The following GULP1 variants were observed in gnomAD, a reference collection of about 807,000 sequenced individuals.
GULP1 encodes PTB domain-containing engulfment adapter protein 1.
Under a neutral mutation model 40.9 loss-of-function variants are expected in GULP1, and 19 were observed. That is an observed-to-expected ratio of 0.46 (90% CI 0.32 to 0.68). GULP1 has a LOEUF of 0.68. Ranked by LOEUF, GULP1 falls within the 30% of genes least tolerant of loss-of-function variation. GULP1 has a pLI of 0.03. For missense variants in GULP1, 312 were observed against 362.2 expected (o/e 0.86, Z 1.12); for synonymous variants, 119 against 117.6 (o/e 1.01, Z -0.08).
At chr2:188,488,418 T>TG (rs1330441790) in intron 4 of GULP1, among the ~76,000 whole-genome samples, 2 of 152,056 alleles carry the variant, frequency 1.3e-5, no homozygotes, top group East Asian at 3.9e-4. Flanking sequence ...GAGATTTAAG[T>TG]GAGTTAATAT....
At chr2:188,355,893 A>G (rs539775435) in intron 1 of GULP1, among the ~76,000 whole-genome samples, 1 of 152,260 alleles carries the variant, frequency 6.6e-6, no homozygotes, top group South Asian at 2.1e-4. Flanking sequence ...AATCAAATCA[A>G]TATCCATGAT....
intron 9 of GULP1, among the ~76,000 whole-genome samples, chr2:188,579,496 A>G (rs1393484256): frequency 6.6e-6 from 1 of 152,100 alleles, no homozygotes; most frequent in African/African-American, 2.4e-5. Context: ...GGTAATTGCA[A>G]TATCCATCAC....
intron 2 of GULP1, chr2:188,466,704 G>A (rs1465046216): frequency 1.3e-5 from 2 of 151,854 alleles, no homozygotes; most frequent in Non-Finnish European, 2.9e-5. Context: ...TGTGTGAGCT[G>A]GTTACTTTAT....
At chr2:188,350,593 A>G (rs1248300687) in intron 1 of GULP1, among the ~76,000 whole-genome samples, 1 of 151,896 alleles carries the variant, frequency 6.6e-6, no homozygotes, top group East Asian at 1.9e-4. Flanking sequence ...TGGAATTTCT[A>G]TATATGGGAT....
chr2:188,521,514 A>G (rs373112044), intron 4 of GULP1, among the ~76,000 whole-genome samples: 1 of 152,184 alleles, frequency 6.6e-6, no homozygotes, highest in East Asian at 1.9e-4. Context: ...AAATCATGGC[A>G]GAAGATGAAG....
At chr2:188,309,010 C>T (rs114836278) in intron 1 of GULP1, among the ~76,000 whole-genome samples, 2,168 of 152,248 alleles carry the variant, frequency 0.014, 53 homozygotes, top group African/African-American at 0.048. Context: ...TCTTGTTCTT[C>T]ATCTGTCAGA....
chr2:188,415,482 C>T (rs1382276915), intron 2 of GULP1, among the ~76,000 whole-genome samples: 1 of 151,480 alleles, frequency 6.6e-6, no homozygotes, highest in African/African-American at 2.4e-5. Context: ...GGAGAGTGTG[C>T]CACTTACTCT....
chr2:188,357,316 G>C (rs371922454), intron 1 of GULP1, among the ~76,000 whole-genome samples: 24 of 151,904 alleles, frequency 1.6e-4, no homozygotes, highest in Non-Finnish European at 2.8e-4. Context: ...ATCCAATAAG[G>C]GTTTAATATC....
intron 1 of GULP1, among the ~76,000 whole-genome samples, chr2:188,323,383 G>A (rs995232831): frequency 6.6e-6 from 1 of 151,930 alleles, no homozygotes; most frequent in South Asian, 2.1e-4. Flanking sequence ...CTGAACATAG[G>A]CTGTGCTGTG....
At chr2:188,499,810 T>G (rs990796668) in intron 4 of GULP1, among the ~76,000 whole-genome samples, 1 of 151,892 alleles carries the variant, frequency 6.6e-6, no homozygotes, top group African/African-American at 2.4e-5. Context: ...ACAGGTAGTA[T>G]TTTTATTATT....
rs1207646401 is a variant in GULP1 at position 188,448,424 on chromosome 2, A to G, written c.-44-29235A>G. Among the ~76,000 whole-genome samples, 3 of 152,224 alleles carry G rather than the reference A, an allele frequency of 2.0e-5. No individual in the cohort carries two copies. The East Asian group carries it at 5.8e-4, about 29-fold the overall frequency. On this transcript the variant is annotated intron_variant, in intron 2 of 11. Coordinates refer to ENST00000409830, the MANE Select transcript of GULP1 (RefSeq NM_016315.4). Reference sequence around the variant, plus strand: ...AATAGTAAAATAAATATTTTACTTAACAAAATTATCTTCCTTTGGAAAACA... The same window carrying G: ...AATAGTAAAATAAATATTTTACTTAGCAAAATTATCTTCCTTTGGAAAACA...
At chr2:188,410,565 A>G (rs565381217) in intron 2 of GULP1, among the ~76,000 whole-genome samples, 1 of 152,316 alleles carries the variant, frequency 6.6e-6, no homozygotes, top group South Asian at 2.1e-4. Context: ...AAGAAAACAT[A>G]CAGATGACCA....
intron 2 of GULP1, among the ~76,000 whole-genome samples, chr2:188,456,249 A>G (rs2059248029): frequency 6.6e-6 from 1 of 152,178 alleles, no homozygotes; most frequent in Non-Finnish European, 1.5e-5. Context: ...TCACCAAGAC[A>G]ATGGGGAAAA....
chr2:188,297,700 T>A, intron 1 of GULP1: 1 of 260,194 alleles, frequency 3.8e-6, no homozygotes, highest in Non-Finnish European at 8.0e-6. Context: ...CATAATCTAC[T>A]GACTGAATCA....
chr2:188,517,887 T>C (rs989498908), intron 4 of GULP1, among the ~76,000 whole-genome samples: 4 of 152,112 alleles, frequency 2.6e-5, no homozygotes, highest in African/African-American at 9.7e-5. Context: ...CTCCCAGCCA[T>C]GCTTACTAGC....
chr2:188,436,017 T>G (rs1032052408), intron 2 of GULP1, among the ~76,000 whole-genome samples: 1 of 152,114 alleles, frequency 6.6e-6, no homozygotes, highest in African/African-American at 2.4e-5. Flanking sequence ...AGACCTTAAT[T>G]ATATCTACAA....
At chr2:188,384,393 A>G (rs2049392077) in intron 2 of GULP1, 2 of 152,146 alleles carry the variant, frequency 1.3e-5, no homozygotes, top group South Asian at 2.1e-4. Context: ...ACAGCACAGG[A>G]AAGACTCGCC....
chr2:188,391,592 G>T (rs1202331646), intron 2 of GULP1, among the ~76,000 whole-genome samples: 1 of 151,880 alleles, frequency 6.6e-6, no homozygotes, highest in African/African-American at 2.4e-5. Flanking sequence ...CAATTTGGAT[G>T]CCCATTATTT....
intron 1 of GULP1, among the ~76,000 whole-genome samples, chr2:188,336,408 A>C (rs1245233610): frequency 6.6e-6 from 1 of 152,234 alleles, no homozygotes; most frequent in Non-Finnish European, 1.5e-5. Flanking sequence ...CATATATTTG[A>C]AAGCCTGCTA....
Sources: allele counts gnomAD v4.1 joint callset (sites outside exome capture counted in the v4.1 genomes callset), GRCh38; gene constraint gnomAD v4.1.1; transcripts MANE v1.5; gene names NCBI Gene and HGNC (gene_info 2026-07-23, HGNC 2026-07-21).